Variants in PCDHGA2 observed in about 807,000 individuals in gnomAD.
The protein encoded by PCDHGA2 is protocadherin gamma-A2.
A neutral mutation model predicts 59.2 loss-of-function variants in PCDHGA2; 40 were observed. The observed-to-expected ratio is 0.68, with a 90% CI of 0.52 to 0.88. The LOEUF (loss-of-function observed/expected upper bound fraction) is 0.88. Ranked by LOEUF, PCDHGA2 falls within the 40% of genes least tolerant of loss-of-function variation. The pLI is 0.00. For synonymous variants in PCDHGA2, 560 were observed against 526.0 expected, an observed-to-expected ratio of 1.06 and a Z score of -0.89; for missense variants, 1,226 against 1,204.0, an observed-to-expected ratio of 1.02 and a Z score of -0.27.
At chr5:141,354,969 T>C in intron 1 of PCDHGA2, 1 of 516,794 alleles carries the variant, frequency 1.9e-6, no homozygotes, top group Non-Finnish European at 3.2e-6. Context: ...GTTAAGACTC[T>C]GGGTGTCGCT....
chr5:141,375,244 G>T (rs527726605), intron 1 of PCDHGA2: 4 of 1,613,892 alleles, frequency 2.5e-6, no homozygotes, highest in Non-Finnish European at 3.4e-6. Context: ...GTTCCATCCC[G>T]AGAAGTCTCC....
chr5:141,468,131 C>G (rs1006565854), intron 1 of PCDHGA2, among the ~76,000 whole-genome samples: 1 of 151,766 alleles, frequency 6.6e-6, no homozygotes, highest in African/African-American at 2.4e-5. Flanking sequence ...TTGAGACCAG[C>G]CTGGCCAACA....
intron 1 of PCDHGA2, among the ~76,000 whole-genome samples, chr5:141,459,014 T>G (rs1429233660): frequency 6.6e-6 from 1 of 152,240 alleles, no homozygotes; most frequent in Non-Finnish European, 1.5e-5. Flanking sequence ...ATTACAGGCA[T>G]GAGCCACCAC....
At chr5:141,346,497 G>A (rs901340582) in intron 1 of PCDHGA2, 7 of 1,611,444 alleles carry the variant, frequency 4.3e-6, no homozygotes, top group Non-Finnish European at 5.9e-6. Context: ...GAACAAATAT[G>A]AGAATGTGGT....
At chr5:141,412,917 G>C (rs918712966) in intron 1 of PCDHGA2, 2 of 410,214 alleles carry the variant, frequency 4.9e-6, no homozygotes, top group African/African-American at 2.1e-5. Context: ...GTATCACTTG[G>C]GTGCAGTAAC....
intron 1 of PCDHGA2, among the ~76,000 whole-genome samples, chr5:141,484,288 C>T (rs1300726429): frequency 6.6e-6 from 1 of 152,176 alleles, no homozygotes; most frequent in African/African-American, 2.4e-5. Context: ...AAACATCTCC[C>T]TCTCCTGGCT....
intron 1 of PCDHGA2, among the ~76,000 whole-genome samples, chr5:141,464,076 C>A (rs561982216): frequency 3.1e-4 from 47 of 152,132 alleles, no homozygotes; most frequent in African/African-American, 9.4e-4. Context: ...GCCAGCCTGG[C>A]CAACATGGTG....
rs1297213443 is a variant in PCDHGA2 at position 141,384,466 on chromosome 5, G to A, written c.2424+43071G>A. Reference sequence around the variant, plus strand: ...GTACGCGCTGCAATCCTTTGATTATGAGCAGTTGAGAGAACTACAACTAAG... The same window carrying A: ...GTACGCGCTGCAATCCTTTGATTATAAGCAGTTGAGAGAACTACAACTAAG... On this transcript the variant is annotated intron_variant, in intron 1 of 3. Coordinates refer to ENST00000394576, the MANE Select transcript of PCDHGA2 (RefSeq NM_018915.4). 3 of 1,613,996 alleles carry A rather than the reference G, an allele frequency of 1.9e-6. No individual in the cohort carries two copies. The African/African-American group carries it at 4.0e-5, about 22-fold the overall frequency.
At chr5:141,352,474 C>T (rs780587821) in intron 1 of PCDHGA2, 1 of 1,614,008 alleles carries the variant, frequency 6.2e-7, no homozygotes, top group Non-Finnish European at 8.5e-7. Flanking sequence ...TTCCTCCCAA[C>T]CACAGCGAGG....
intron 1 of PCDHGA2, chr5:141,423,365 T>A (rs1338039878): frequency 1.9e-6 from 3 of 1,614,096 alleles, no homozygotes; most frequent in South Asian, 1.1e-5. Context: ...ATCGTGCTGC[T>A]GGCACTCAGG....
At chr5:141,388,655 G>A (rs375260597) in intron 1 of PCDHGA2, 1 of 1,613,808 alleles carries the variant, frequency 6.2e-7, no homozygotes, top group Non-Finnish European at 8.5e-7. Flanking sequence ...ACGTGTACCC[G>A]GGGACCACGG....
rs377580446 is a variant in PCDHGA2 at position 141,350,582 on chromosome 5, G to A, written c.2424+9187G>A. The A allele has an allele frequency of 6.2e-6, 10 of 1,614,040 alleles. No homozygotes were observed. Among genetic ancestry groups the A allele is most frequent in the Non-Finnish European group, 8.5e-6 (10 of 1,179,890 alleles). On this transcript the variant is annotated intron_variant, in intron 1 of 3. Transcript: ENST00000394576. Reference sequence around the variant, plus strand: ...TGCACTAGAATTCGAAACGGTCGCTGAAAACCCAATGAATGTTTTCCACGT... The same window carrying A: ...TGCACTAGAATTCGAAACGGTCGCTAAAAACCCAATGAATGTTTTCCACGT...
intron 1 of PCDHGA2, chr5:141,373,950 A>G (rs2150030574): frequency 1.2e-6 from 1 of 822,986 alleles, no homozygotes; most frequent in Non-Finnish European, 1.8e-6. Context: ...CTGTGCAGAA[A>G]TTCTGACCTG....
intron 1 of PCDHGA2, chr5:141,423,903 AG>A: frequency 7.8e-7 from 1 of 1,276,130 alleles, no homozygotes. Context: ...TTGATTTCAA[AG>A]GGGCCATTCA....
At chr5:141,375,926 G>T (rs1450226627) in intron 1 of PCDHGA2, 1 of 1,613,758 alleles carries the variant, frequency 6.2e-7, no homozygotes, top group South Asian at 1.1e-5. Flanking sequence ...CAGCGAGCCA[G>T]GACTTTTCTC....
At chr5:141,388,606 T>G in intron 1 of PCDHGA2, 1 of 1,613,906 alleles carries the variant, frequency 6.2e-7, no homozygotes, top group South Asian at 1.1e-5. Context: ...AATGCTCCAG[T>G]GTTCAGTCAA....
At chr5:141,495,164 C>T (rs1326419591) in intron 2 of PCDHGA2, among the ~76,000 whole-genome samples, 4 of 152,198 alleles carry the variant, frequency 2.6e-5, no homozygotes, top group Admixed American at 1.3e-4. Context: ...AAGCTGGTCT[C>T]TGGGTGAAAG....
intron 1 of PCDHGA2, chr5:141,355,265 T>A: frequency 6.2e-7 from 1 of 1,613,204 alleles, no homozygotes; most frequent in Non-Finnish European, 8.5e-7. Context: ...CTCCTGGGGG[T>A]TCTGGTGGAA....
rs2090285300 is a variant in PCDHGA2 at position 141,385,561 on chromosome 5, TC to T, written c.2424+44168del. On this transcript the variant is annotated intron_variant, in intron 1 of 3. Coordinates refer to ENST00000394576, the MANE Select transcript of PCDHGA2 (RefSeq NM_018915.4). ...ATGTGGACTATCACATTTTATAATT[TC>T]CACCTACTTTCCAATCTATGTTCCA... The T allele has an allele frequency of 1.2e-5, 16 of 1,309,040 alleles. No homozygotes were observed. In the South Asian group the frequency reaches 3.4e-4, roughly 28 times the overall value. 81.1% of individuals were successfully genotyped at this position (1,309,040 alleles called of 1,614,324 possible).
Sources: allele counts gnomAD v4.1 joint callset (sites outside exome capture counted in the v4.1 genomes callset), GRCh38; gene constraint gnomAD v4.1.1; transcripts MANE v1.5; gene names NCBI Gene and HGNC (gene_info 2026-07-23, HGNC 2026-07-21).